GABRA3: variants seen among roughly 807,000 people sequenced by gnomAD.
GABRA3 encodes gamma-aminobutyric acid receptor subunit alpha-3.
Under a neutral mutation model 30.1 loss-of-function variants are expected in GABRA3, and 10 were observed. The observed-to-expected ratio is 0.33, with a 90% confidence interval of 0.20 to 0.56. GABRA3 has a LOEUF of 0.56. Ranked by LOEUF, GABRA3 falls within the 20% of genes least tolerant of loss-of-function variation. The pLI, the probability that GABRA3 is intolerant of heterozygous loss-of-function variation, is 0.89. For synonymous variants in GABRA3, 151 were observed against 146.8 expected (o/e 1.03, Z -0.21); for missense variants, 233 against 392.0 (o/e 0.59, Z 3.42).
In GABRA3 at chrX:152,237,237, A is replaced by G. The variant is rs1344535201; in HGVS notation, c.552-12392T>C. Among the ~76,000 whole-genome samples, 31 of 110,983 alleles carry G rather than the reference A, an allele frequency of 2.8e-4. 1 individual carries two copies. Among genetic ancestry groups the G allele is most frequent in the Non-Finnish European group, 1.7e-4 (9 of 52,954 alleles). ...ATGGCTAGCCAGTTTTCCCAGCACC[A>G]TTTATTAAATAGGGAATCCTTTCCC... is the stretch of plus-strand genomic sequence containing the variant. On this transcript the variant is annotated intron_variant, in intron 5 of 9. Transcript: ENST00000370314.
chrX:152,295,693 A>C (rs1163391711), intron 3 of GABRA3, among the ~76,000 whole-genome samples: 1 of 112,221 alleles, frequency 8.9e-6, no homozygotes, highest in Non-Finnish European at 1.9e-5. Flanking sequence ...GTCACCCTCC[A>C]TGGGCTGCAC....
intron 9 of GABRA3, chrX:152,171,337 T>C (rs1936999636): frequency 2.2e-6 from 1 of 460,533 alleles, no homozygotes; most frequent in Non-Finnish European, 2.7e-6. Flanking sequence ...AATCACAGAT[T>C]TTTTAAGTAG....
chrX:152,295,238 G>C (rs1205744937), intron 3 of GABRA3, among the ~76,000 whole-genome samples: 2 of 112,003 alleles, frequency 1.8e-5, no homozygotes, highest in Non-Finnish European at 3.8e-5. Context: ...AGAGCTGTCA[G>C]ATGGACGTTT....
At chrX:152,353,322 G>C (rs1181518401) in intron 2 of GABRA3, among the ~76,000 whole-genome samples, 4 of 112,041 alleles carry the variant, frequency 3.6e-5, no homozygotes, top group Non-Finnish European at 7.5e-5. Flanking sequence ...AAATAAGCTA[G>C]TAGACATATG....
chrX:152,279,177 T>C (rs1282486745), intron 4 of GABRA3, among the ~76,000 whole-genome samples: 4 of 111,945 alleles, frequency 3.6e-5, no homozygotes, highest in Non-Finnish European at 5.6e-5. Flanking sequence ...AGATATGAAG[T>C]CTTTGCCCAT....
chrX:152,296,679 T>C (rs972089418), intron 3 of GABRA3, among the ~76,000 whole-genome samples: 2 of 109,776 alleles, frequency 1.8e-5, no homozygotes, highest in Non-Finnish European at 3.8e-5. Flanking sequence ...ACTTTGATAA[T>C]CAGCTGCTTT....
intron 4 of GABRA3, among the ~76,000 whole-genome samples, chrX:152,270,520 T>A (rs917870877): frequency 2.7e-5 from 3 of 111,186 alleles, no homozygotes; most frequent in African/African-American, 9.8e-5. Context: ...ACTTCGGGAC[T>A]GGATAACAGG....
chrX:152,341,496 C>A (rs1940311723), intron 3 of GABRA3, among the ~76,000 whole-genome samples: 1 of 109,721 alleles, frequency 9.1e-6, no homozygotes, highest in Non-Finnish European at 1.9e-5. Context: ...TGCCCACTAG[C>A]AGTGTATAAA....
intron 1 of GABRA3, among the ~76,000 whole-genome samples, chrX:152,415,246 CAGAG>C (rs1930180799): frequency 9.0e-6 from 1 of 111,242 alleles, no homozygotes; most frequent in Non-Finnish European, 1.9e-5. Context: ...AGGGGAAACT[CAGAG>C]GGAGAGGAAG....
chrX:152,318,027 C>T (rs756060951), intron 3 of GABRA3, among the ~76,000 whole-genome samples: 1 of 111,113 alleles, frequency 9.0e-6, no homozygotes, highest in South Asian at 3.7e-4. Context: ...AAACAAAAAG[C>T]CTGTTCTTTG....
intron 1 of GABRA3, among the ~76,000 whole-genome samples, chrX:152,422,600 G>A (rs1056019571): frequency 3.6e-5 from 4 of 111,181 alleles, no homozygotes; most frequent in Non-Finnish European, 5.7e-5. Flanking sequence ...AAGAAGACCC[G>A]AGTAAATGGA....
intron 6 of GABRA3, among the ~76,000 whole-genome samples, chrX:152,220,202 G>A (rs1435135802): frequency 2.7e-5 from 3 of 111,586 alleles, no homozygotes; most frequent in Non-Finnish European, 5.7e-5. Context: ...GAATCCCATT[G>A]CTTAATCTGT....
At chrX:152,299,539 G>A (rs941203223) in intron 3 of GABRA3, among the ~76,000 whole-genome samples, 20 of 111,662 alleles carry the variant, frequency 1.8e-4, no homozygotes, top group African/African-American at 6.2e-4. Flanking sequence ...ATGTCATAAC[G>A]GAGAATAAAC....
At chrX:152,253,957 C>G (rs1409717468) in intron 5 of GABRA3, among the ~76,000 whole-genome samples, 1 of 111,943 alleles carries the variant, frequency 8.9e-6, no homozygotes, top group Non-Finnish European at 1.9e-5. Flanking sequence ...TGTCCCAAAA[C>G]AATGAGTTAG....
chrX:152,315,012 C>T lies in GABRA3; in HGVS notation c.263-30277G>A, dbSNP rs186958315. Among the ~76,000 whole-genome samples, 230 of 110,998 alleles carry T rather than the reference C, an allele frequency of 2.1e-3. No individual in the cohort carries two copies. In the Middle Eastern group the frequency reaches 0.037, roughly 18 times the overall value. ...GTGGATAGGAGGCAGGACCAAATTGCAGTTCCCACTCGGGCAGACAGAGCA... is the reference window on the plus strand; with the variant it reads ...GTGGATAGGAGGCAGGACCAAATTGTAGTTCCCACTCGGGCAGACAGAGCA... On this transcript the variant is annotated intron_variant, in intron 3 of 9. Coordinates refer to ENST00000370314, the MANE Select transcript of GABRA3 (RefSeq NM_000808.4).
At chrX:152,307,576 G>T (rs1939738895) in intron 3 of GABRA3, among the ~76,000 whole-genome samples, 1 of 111,660 alleles carries the variant, frequency 9.0e-6, no homozygotes, top group African/African-American at 3.3e-5. Context: ...ACATAGCCAG[G>T]AAGAGCTTCT....
intron 1 of GABRA3, among the ~76,000 whole-genome samples, chrX:152,431,533 T>G (rs920931920): frequency 8.9e-6 from 1 of 111,908 alleles, no homozygotes. Flanking sequence ...AATAATGGCC[T>G]TCCAAAGATG....
At chrX:152,294,686 G>A (rs377010310) in intron 3 of GABRA3, among the ~76,000 whole-genome samples, 2 of 111,344 alleles carry the variant, frequency 1.8e-5, no homozygotes, top group South Asian at 3.8e-4. Context: ...GAGGAGCTGC[G>A]ATCCTTTGGA....
At chrX:152,218,845 A>G (rs752406641) in intron 6 of GABRA3, among the ~76,000 whole-genome samples, 1 of 111,170 alleles carries the variant, frequency 9.0e-6, no homozygotes, top group Non-Finnish European at 1.9e-5. Flanking sequence ...CGGAGTTTGG[A>G]GAAAGTTTAT....
Sources: allele counts gnomAD v4.1 joint callset (sites outside exome capture counted in the v4.1 genomes callset), GRCh38; gene constraint gnomAD v4.1.1; transcripts MANE v1.5; gene names NCBI Gene and HGNC (gene_info 2026-07-23, HGNC 2026-07-21).